The following LAMA5 variants were observed in gnomAD, a reference collection of about 807,000 sequenced individuals.
LAMA5 encodes laminin subunit alpha 5.
A neutral mutation model predicts 433.4 loss-of-function variants in LAMA5; 260 were observed. The observed-to-expected ratio is 0.60, with a 90% confidence interval of 0.54 to 0.66. The LOEUF (loss-of-function observed/expected upper bound fraction) is 0.66, where lower values mean the gene tolerates loss of function less well. Among genes scored for constraint, LAMA5 ranks in the 30% least tolerant of loss-of-function variants. The probability of loss-of-function intolerance (pLI) is 0.00; values close to 1 mark genes in which losing one functional copy is unlikely to be tolerated. For synonymous variants in LAMA5, 2,620 were observed against 2,226.6 expected, an observed-to-expected ratio of 1.18 and a Z score of -4.97; for missense variants, 5,378 against 5,258.5, an observed-to-expected ratio of 1.02 and a Z score of -0.70.
At position 62,333,477 on chromosome 20, in the gene LAMA5, T is replaced by C. The variant is rs1980897809; in HGVS notation, c.3026A>G (p.Tyr1009Cys). Residue 1009 changes from tyrosine to cysteine, a missense_variant, in exon 25 of 80, where the codon TAC becomes TGC. Coordinates refer to ENST00000252999, the MANE Select transcript of LAMA5 (RefSeq NM_005560.6). ...GTATGCGCTAGGCAGCAGAACCACG[T>C]AGTCCTGCAGGGTGGAGGTGGTGCT... ...RVEAEGVLLD[Y>C]VVLLPSAYYE... is the part of the protein sequence containing the mutation. The C allele has an allele frequency of 1.2e-6, 2 of 1,611,554 alleles. No homozygotes were observed. Among genetic ancestry groups the C allele is most frequent in the Admixed American group, 3.3e-5 (2 of 59,876 alleles).
chr20:62,321,924 C>G, intron 48 of LAMA5, 95 bp downstream of exon 48: 6 of 1,280,188 alleles, frequency 4.7e-6, no homozygotes, highest in Non-Finnish European at 6.7e-6. Flanking sequence ...TGGGACCACT[C>G]TGGGAGGTCG....
intron 79 of LAMA5, 33 bp from the exon 80 acceptor site, chr20:62,309,508 T>G (rs769266759): frequency 1.3e-6 from 2 of 1,530,852 alleles, no homozygotes; most frequent in East Asian, 2.3e-5. Flanking sequence ...AGAAGGCTGG[T>G]TGGTGGGCAG....
rs1355331245 is a variant in LAMA5 at position 62,338,413 on chromosome 20, C to T, written c.1619-44G>A. ...CACATGCTTGGTCAGAGGCACCAGG[C>T]CTCAGGTGTCCACCTCGAGCGCAGG... On this transcript the variant is annotated intron_variant, in intron 12 of 79. Transcript: ENST00000252999. The T allele has an allele frequency of 1.9e-6, 3 of 1,607,466 alleles. No homozygotes were observed. In the African/African-American group the frequency reaches 4.0e-5, roughly 21 times the overall value.
Position 62,332,725 on chromosome 20 carries a change from G to C in LAMA5, c.3283-8C>G, listed in dbSNP as rs148811850. On this transcript the variant is annotated splice_polypyrimidine_tract_variant and splice_region_variant and intron_variant, in intron 26 of 79. Transcript: ENST00000252999. ...TTGAAGCTGGACGTCCACCTGCAGG[G>C]AAGGCAGGGTGACGGGAGGCCCGCC... The C allele has an allele frequency of 5.5e-3, 8,885 of 1,609,600 alleles. 46 individuals are homozygous for C. Among genetic ancestry groups the C allele is most frequent in the Middle Eastern group, 7.1e-3 (43 of 6,034 alleles).
At chr20:62,349,144 G>A (rs971999623) in intron 6 of LAMA5, among the ~76,000 whole-genome samples, 4 of 151,874 alleles carry the variant, frequency 2.6e-5, no homozygotes, top group Admixed American at 2.0e-4. Context: ...GGTGGTGGGT[G>A]CCTGTAGTCC....
intron 2 of LAMA5, among the ~76,000 whole-genome samples, chr20:62,356,963 G>A (rs1985331833): frequency 6.6e-6 from 1 of 152,244 alleles, no homozygotes; most frequent in South Asian, 2.1e-4. Flanking sequence ...GACTGAGTAG[G>A]TGCTAGGGTC....
intron 1 of LAMA5, among the ~76,000 whole-genome samples, chr20:62,365,473 T>C (rs145430306): frequency 0.019 from 2,859 of 152,246 alleles, 100 homozygotes; most frequent in African/African-American, 0.064. Context: ...AGGGGGCCTG[T>C]GGCCCCCAGC....
chr20:62,329,359 G>T, intron 32 of LAMA5, 106 bp from the exon 33 acceptor site: 1 of 801,636 alleles, frequency 1.2e-6, no homozygotes, highest in Non-Finnish European at 2.0e-6. Context: ...CAGAGTCCTG[G>T]CAGCAGCAGC....
At position 62,312,308 on chromosome 20, in the gene LAMA5, G is replaced by A. The variant is rs761156593; in HGVS notation, c.9369C>T (p.Arg3123=). 2.2e-5 allele frequency: 35 copies of A among 1,609,516 alleles called. No individual in the cohort carries two copies. The highest frequency in any genetic ancestry group is 3.3e-4 in the Middle Eastern group (2 of 6,078). Residue 3123 remains arginine (R), a synonymous_variant, in exon 69 of 80, where the codon CGC becomes CGT. Transcript: ENST00000252999. Reference sequence around the variant, plus strand: ...AGCCGTGGCCATGGAAAGTCATGGCGCGCCCCACCTGCGGGGAGGCCATCC... The same window carrying A: ...AGCCGTGGCCATGGAAAGTCATGGCACGCCCCACCTGCGGGGAGGCCATCC... ...AGCTADLLVG[R]AMTFHGHGFL...
Position 62,322,012 on chromosome 20 carries a change from G to A in LAMA5, c.6496+7C>T. 6.3e-7 allele frequency: 1 copy of A among 1,597,646 alleles called. No homozygotes were observed. The highest frequency in any genetic ancestry group is 8.5e-7 in the Non-Finnish European group (1 of 1,178,760). ...AGGTGTGGGGAAGTGGGGTGTTGAG[G>A]ACACACCTTCACAGTGGATGCTGTG... On this transcript the variant is annotated splice_region_variant and intron_variant, in intron 48 of 79. Transcript: ENST00000252999.
At chr20:62,353,980 G>A (rs1016659682) in intron 2 of LAMA5, among the ~76,000 whole-genome samples, 4 of 152,104 alleles carry the variant, frequency 2.6e-5, no homozygotes, top group African/African-American at 9.7e-5. Flanking sequence ...CACTGCTGTG[G>A]CCCGGTGCAC....
rs367731238 is a variant in LAMA5 at position 62,314,659 on chromosome 20, C to T, written c.8263G>A (p.Asp2755Asn). ...VQLRTPRDLA[D>N]LAAYTALKFY... ...TTGAGGGCAGTGTAGGCAGCAAGGT[C>T]GGCAAGATCCCGTGGGGTGCGCAGC... The change falls in exon 61 of 80, where the codon GAC (aspartate) becomes AAC (asparagine). Residue 2755 changes from aspartate to asparagine, a missense_variant. Coordinates refer to ENST00000252999, the MANE Select transcript of LAMA5 (RefSeq NM_005560.6). The T allele has an allele frequency of 2.7e-5, 43 of 1,612,528 alleles. No homozygotes were observed. In the East Asian group the frequency reaches 2.7e-4, roughly 10 times the overall value.
chr20:62,329,250 A>G lies in LAMA5; in HGVS notation c.4123T>C (p.Tyr1375His), dbSNP rs770065127. 6.2e-7 allele frequency: 1 copy of G among 1,608,710 alleles called. No individual in the cohort carries two copies. The highest frequency in any genetic ancestry group is 8.5e-7 in the Non-Finnish European group (1 of 1,176,590). ...ACGTTCTCAGGGACCACGAGTACAT[A>G]ATCCTAGGGGGTGAGGCCTGGTCAC... Reference protein sequence around the residue: ...VPKGRWLWLDYVLVVPENVYS... With the variant: ...VPKGRWLWLDHVLVVPENVYS... Residue 1375 changes from tyrosine to histidine, a missense_variant, in exon 33 of 80, where the codon TAT becomes CAT. Coordinates refer to ENST00000252999, the MANE Select transcript of LAMA5 (RefSeq NM_005560.6).
rs770801815 is a variant in LAMA5, at chr20:62,322,148, G to A, written c.6367C>T (p.Arg2123Cys). 120 of 1,597,534 alleles carry A rather than the reference G, an allele frequency of 7.5e-5. No homozygotes were observed. The highest frequency in any genetic ancestry group is 2.0e-4 in the African/African-American group (15 of 74,594). ...CAGCGGCCCGTGTGAGGGTCACAGCGGCCCCCAGGGCACTGGCAGCCTGTG... is the reference window on the plus strand; with the variant it reads ...CAGCGGCCCGTGTGAGGGTCACAGCAGCCCCCAGGGCACTGGCAGCCTGTG... Reference protein sequence around the residue: ...GCRRCQCPGGRCDPHTGRCNC... With the variant: ...GCRRCQCPGGCCDPHTGRCNC... The change falls in exon 48 of 80, where the codon CGC (arginine) becomes TGC (cysteine). Residue 2123 changes from arginine (R) to cysteine (C), a missense_variant. Physicochemically the swap from Arg to Cys is radical, Grantham distance 180 (BLOSUM62 -3). Transcript: ENST00000252999.
At chr20:62,353,376 G>C in intron 2 of LAMA5, 125 bp from the exon 3 acceptor site, 3 of 679,956 alleles carry the variant, frequency 4.4e-6, no homozygotes, top group Non-Finnish European at 7.4e-6. Context: ...CGCCGCACAG[G>C]GGGCACCTCT....
At chr20:62,345,616 G>A (rs918549079) in intron 11 of LAMA5, 1 of 658,996 alleles carries the variant, frequency 1.5e-6, no homozygotes. Context: ...CATGTTGCCT[G>A]GGCTAACTTT....
In LAMA5 at chr20:62,314,924, G is replaced by A. The variant is rs1459725459; in HGVS notation, c.8071C>T (p.Pro2691Ser). Reference sequence around the variant, plus strand: ...ATGCTCAGCTTGGCCAGCAGCTGGGGCAGCGTCTTCTCCAGGGTGGACACT... The same window carrying A: ...ATGCTCAGCTTGGCCAGCAGCTGGGACAGCGTCTTCTCCAGGGTGGACACT... Reference protein sequence around the residue: ...HSVSTLEKTLPQLLAKLSILE... With the variant: ...HSVSTLEKTLSQLLAKLSILE... Residue 2691 changes from proline (P) to serine (S), a missense_variant, in exon 60 of 80, where the codon CCC becomes TCC. Coordinates refer to ENST00000252999, the MANE Select transcript of LAMA5 (RefSeq NM_005560.6). The A allele has an allele frequency of 6.2e-7, 1 of 1,605,336 alleles. No individual in the cohort carries two copies. Among genetic ancestry groups the A allele is most frequent in the East Asian group, 2.2e-5 (1 of 44,826 alleles).
Position 62,314,913 on chromosome 20 carries a change from C to T in LAMA5, c.8082G>A (p.Leu2694=). The T allele has an allele frequency of 6.2e-7, 1 of 1,608,106 alleles. No individual in the cohort carries two copies. The highest frequency in any genetic ancestry group is 1.1e-5 in the South Asian group (1 of 90,994). Residue 2694 remains leucine (L), a synonymous_variant, in exon 60 of 80, where the codon CTG becomes CTA. Transcript: ENST00000252999. The stretch of plus-strand genomic sequence containing the variant: ...GGTTCTCCAGGATGCTCAGCTTGGC[C>T]AGCAGCTGGGGCAGCGTCTTCTCCA... The part of the protein sequence containing the change: ...STLEKTLPQL[L]AKLSILENRG...
In LAMA5 at chr20:62,316,874, G is replaced by T; in HGVS notation, c.7653+8C>A. The T allele has an allele frequency of 6.5e-7, 1 of 1,529,900 alleles. No individual in the cohort carries two copies. The highest frequency in any genetic ancestry group is 1.4e-5 in the African/African-American group (1 of 73,486). 94.8% of individuals were successfully genotyped at this position (1,529,900 alleles called of 1,614,324 possible). ...CTGCTGGGGCTGAGGGGAAGTGAGGGGCCTCACCGCCCACGTGTGGTCCGC... is the reference window on the plus strand; with the variant it reads ...CTGCTGGGGCTGAGGGGAAGTGAGGTGCCTCACCGCCCACGTGTGGTCCGC... On this transcript the variant is annotated splice_region_variant and intron_variant, in intron 56 of 79. Coordinates refer to ENST00000252999, the MANE Select transcript of LAMA5 (RefSeq NM_005560.6).
Sources: gnomAD v4.1 joint callset for allele counts (sites outside exome capture counted in the v4.1 genomes callset) on GRCh38, gnomAD v4.1.1 for gene constraint, MANE v1.5 for transcripts, NCBI Gene and HGNC (gene_info 2026-07-23, HGNC 2026-07-21) for gene names.